Variants in PDE11A observed in about 807,000 individuals in gnomAD.
PDE11A encodes the protein phosphodiesterase 11A.
A neutral mutation model predicts 100.5 loss-of-function variants in PDE11A; 100 were observed. The ratio of observed to expected loss-of-function variants is 1.00; its 90% CI spans 0.85 to 1.18. PDE11A has a LOEUF of 1.18. Ranked by LOEUF, PDE11A falls within the 50% of genes most tolerant of loss-of-function variation. The pLI is 0.00. For missense variants in PDE11A, 1,141 were observed against 1,152.6 expected, an observed-to-expected ratio of 0.99 and a Z score of 0.15; for synonymous variants, 381 against 420.8, an observed-to-expected ratio of 0.91 and a Z score of 1.16.
At chr2:177,860,468 C>A (rs1010845639) in intron 5 of PDE11A, among the ~76,000 whole-genome samples, 54 of 151,568 alleles carry the variant, frequency 3.6e-4, no homozygotes, top group Non-Finnish European at 4.3e-4. Context: ...AAAATATTTC[C>A]ACAAAGAAAA....
intron 9 of PDE11A, among the ~76,000 whole-genome samples, chr2:177,786,529 C>G (rs2082540268): frequency 6.6e-6 from 1 of 152,094 alleles, no homozygotes; most frequent in South Asian, 2.1e-4. Context: ...CGGAACAAAG[C>G]TGGACGGAGA....
intron 1 of PDE11A, among the ~76,000 whole-genome samples, chr2:178,062,762 T>G (rs533571141): frequency 2.6e-5 from 4 of 152,174 alleles, no homozygotes; most frequent in Admixed American, 6.5e-5. Flanking sequence ...GTTAAAACAT[T>G]CTGGTAATCT....
chr2:177,934,751 T>G (rs2085251184), intron 2 of PDE11A, among the ~76,000 whole-genome samples: 1 of 152,150 alleles, frequency 6.6e-6, no homozygotes, highest in Non-Finnish European at 1.5e-5. Context: ...CCATCAACAA[T>G]GGATCTGATA....
chr2:177,753,344 T>C (rs932164480), intron 10 of PDE11A, among the ~76,000 whole-genome samples: 2 of 152,084 alleles, frequency 1.3e-5, no homozygotes, highest in Non-Finnish European at 2.9e-5. Context: ...ATTCCATCAA[T>C]ATTAATTTTC....
chr2:178,107,807 C>T (rs2087639407), intron 1 of PDE11A, among the ~76,000 whole-genome samples: 2 of 149,966 alleles, frequency 1.3e-5, no homozygotes, highest in African/African-American at 2.5e-5. Context: ...CTGCAACCTC[C>T]GCTTCCCGGG....
intron 13 of PDE11A, among the ~76,000 whole-genome samples, chr2:177,704,859 T>C (rs1472920596): frequency 1.3e-5 from 2 of 152,140 alleles, no homozygotes; most frequent in Non-Finnish European, 2.9e-5. Flanking sequence ...TCTTTTTTTT[T>C]GAGACGGAAT....
intron 19 of PDE11A, among the ~76,000 whole-genome samples, chr2:177,661,591 C>T (rs1332589704): frequency 1.3e-5 from 2 of 152,182 alleles, no homozygotes; most frequent in African/African-American, 4.8e-5. Flanking sequence ...TACTTAAACT[C>T]ACCCTACAAA....
intron 1 of PDE11A, among the ~76,000 whole-genome samples, chr2:178,106,694 T>C (rs1574401789): frequency 1.3e-5 from 2 of 152,282 alleles, no homozygotes; most frequent in South Asian, 4.1e-4. Flanking sequence ...GCATGGTAGC[T>C]CACACCTGTA....
chr2:177,823,467 T>C (rs773398640), intron 6 of PDE11A, among the ~76,000 whole-genome samples: 12 of 152,182 alleles, frequency 7.9e-5, no homozygotes, highest in Non-Finnish European at 1.6e-4. Context: ...CTGTCTGGCA[T>C]TCCGCTCAGC....
chr2:178,049,361 T>A (rs13023390), intron 1 of PDE11A, among the ~76,000 whole-genome samples: 15,212 of 152,140 alleles, frequency 0.1, 1,044 homozygotes, highest in Non-Finnish European at 0.15. Context: ...ACTGCCAGGC[T>A]TGGGGGGGAA....
chr2:177,677,635 T>C (rs1193812628), intron 16 of PDE11A, among the ~76,000 whole-genome samples: 2 of 152,040 alleles, frequency 1.3e-5, no homozygotes, highest in African/African-American at 4.8e-5. Context: ...GGAGACTCAT[T>C]GGAGATGTAA....
chr2:178,031,267 T>C (rs1370438711), intron 1 of PDE11A, among the ~76,000 whole-genome samples: 1 of 152,146 alleles, frequency 6.6e-6, no homozygotes, highest in Non-Finnish European at 1.5e-5. Context: ...CTCTATAAGC[T>C]CAGTTTCAAG....
chr2:177,820,061 T>C (rs771795529), intron 7 of PDE11A, among the ~76,000 whole-genome samples, 159 bp downstream of exon 7: 38 of 151,968 alleles, frequency 2.5e-4, no homozygotes, highest in Non-Finnish European at 4.9e-4. Context: ...TGTTGATTCA[T>C]TAGGAGCCTG....
chr2:177,740,324 T>C (rs1362960737), intron 10 of PDE11A, among the ~76,000 whole-genome samples: 1 of 152,254 alleles, frequency 6.6e-6, no homozygotes, highest in Non-Finnish European at 1.5e-5. Flanking sequence ...AATTAAGAAC[T>C]CAACCATGTT....
rs140019192 is a variant in PDE11A at position 177,860,824 on chromosome 2, TAA to T, written c.1367+15033_1367+15034del. On this transcript the variant is annotated intron_variant, in intron 5 of 19. Transcript: ENST00000286063. The stretch of plus-strand genomic sequence containing the variant: ...TATATAATATACTATTTTAATAGAA[TAA>T]AAGACAAAAATCACATGATTATCTC... 1.0e-3 allele frequency among the ~76,000 whole-genome samples: 159 copies of T among 151,838 alleles called. 1 individual carries two copies. The East Asian group carries it at 0.03, about 29-fold the overall frequency.
At chr2:177,639,874 G>A (rs1431556510) in intron 19 of PDE11A, among the ~76,000 whole-genome samples, 1 of 152,164 alleles carries the variant, frequency 6.6e-6, no homozygotes, top group African/African-American at 2.4e-5. Flanking sequence ...TTGGAAAGGG[G>A]CATAGAGGAA....
At chr2:177,640,124 T>C (rs1207359336) in intron 19 of PDE11A, among the ~76,000 whole-genome samples, 1 of 152,188 alleles carries the variant, frequency 6.6e-6, no homozygotes, top group African/African-American at 2.4e-5. Context: ...ACCCCCACCT[T>C]ACCCAAGAGA....
chr2:177,762,690 G>A (rs1187945452), intron 10 of PDE11A, among the ~76,000 whole-genome samples: 2 of 152,132 alleles, frequency 1.3e-5, no homozygotes, highest in African/African-American at 4.8e-5. Context: ...GAGGGAGAAG[G>A]TGGGAGAAAA....
chr2:177,955,785 A>G (rs1379412286), intron 2 of PDE11A, among the ~76,000 whole-genome samples: 1 of 152,194 alleles, frequency 6.6e-6, no homozygotes, highest in East Asian at 1.9e-4. Flanking sequence ...TCTTTGACAA[A>G]CCTGAGAAAA....
Sources: allele counts gnomAD v4.1 joint callset (sites outside exome capture counted in the v4.1 genomes callset), GRCh38; gene constraint gnomAD v4.1.1; transcripts MANE v1.5; gene names NCBI Gene and HGNC (gene_info 2026-07-23, HGNC 2026-07-21).